Variants in FRMPD3 observed in about 807,000 individuals in gnomAD.
FRMPD3 encodes FERM and PDZ domain containing 3.
FRMPD3 carries 42 observed loss-of-function variants against 97.9 expected under a neutral mutation model. The ratio of observed to expected loss-of-function variants is 0.43; its 90% CI spans 0.34 to 0.55. FRMPD3 has a LOEUF of 0.55. Ranked by LOEUF, FRMPD3 falls within the 20% of genes least tolerant of loss-of-function variation. FRMPD3 has a pLI of 0.03. For missense variants in FRMPD3, 1,303 were observed against 1,457.7 expected (o/e 0.89, Z 1.73); for synonymous variants, 577 against 581.1 (o/e 0.99, Z 0.10).
intron 1 of FRMPD3, among the ~76,000 whole-genome samples, chrX:107,468,581 A>G (rs1248458131): frequency 8.9e-6 from 1 of 112,965 alleles, no homozygotes; most frequent in African/African-American, 3.2e-5. Context: ...TAGAGCAGCC[A>G]GGAAAGGCTT....
At chrX:107,553,748 G>A (rs1921960833) in intron 7 of FRMPD3, among the ~76,000 whole-genome samples, 1 of 111,867 alleles carries the variant, frequency 8.9e-6, no homozygotes, top group Non-Finnish European at 1.9e-5. Flanking sequence ...GGTTGTGGGA[G>A]TCCTGCCTGG....
At chrX:107,564,779 C>A in intron 11 of FRMPD3, 108 bp from the exon 12 acceptor site, 1 of 822,782 alleles carries the variant, frequency 1.2e-6, no homozygotes, top group African/African-American at 2.0e-5. Context: ...TATTTTCAGA[C>A]CCCACCAGAG....
Position 107,505,697 on chromosome X carries a change from G to A in FRMPD3, c.-7-20885G>A, listed in dbSNP as rs770476360. Among the ~76,000 whole-genome samples, 6 of 112,945 alleles carry A rather than the reference G, an allele frequency of 5.3e-5. No individual in the cohort carries two copies. In the South Asian group the frequency reaches 1.1e-3, roughly 21 times the overall value. On this transcript the variant is annotated intron_variant, in intron 1 of 14. Transcript: ENST00000683843. ...ACTAAGAAGGGGCAGGAAATGTTGTGTTATTTCATCATTTTGACCAGAAGG... is the reference window on the plus strand; with the variant it reads ...ACTAAGAAGGGGCAGGAAATGTTGTATTATTTCATCATTTTGACCAGAAGG...
intron 1 of FRMPD3, among the ~76,000 whole-genome samples, chrX:107,490,612 G>A (rs889620904): frequency 5.4e-5 from 6 of 111,661 alleles, no homozygotes; most frequent in Non-Finnish European, 1.1e-4. Flanking sequence ...GTGAATGGGA[G>A]TTCACTCATG....
At chrX:107,456,879 G>A (rs193300901) in intron 1 of FRMPD3, among the ~76,000 whole-genome samples, 1 of 112,158 alleles carries the variant, frequency 8.9e-6, no homozygotes, top group Admixed American at 9.5e-5. Context: ...TTAGATTCAA[G>A]CTCATTTTTC....
At chrX:107,494,901 T>C (rs1029158273) in intron 1 of FRMPD3, among the ~76,000 whole-genome samples, 1 of 111,464 alleles carries the variant, frequency 9.0e-6, no homozygotes, top group African/African-American at 3.3e-5. Context: ...AGGAGGCAAA[T>C]TGGCTCCTAG....
intron 1 of FRMPD3, among the ~76,000 whole-genome samples, chrX:107,470,376 CAT>C (rs1482999532): frequency 8.9e-6 from 1 of 111,980 alleles, no homozygotes; most frequent in African/African-American, 3.3e-5. Context: ...CAAACTCACT[CAT>C]GTGGTGCTGG....
rs771229153 is a variant in FRMPD3, at chrX:107,554,410, G to A, written c.668G>A (p.Gly223Glu). Residue 223 changes from glycine (G) to glutamate (E), a missense_variant, in exon 8 of 15, where the codon GGA (glycine) becomes GAA (glutamate). Around this residue, in one of 3 missense-constraint regions of FRMPD3, gnomAD observed 535 missense variants for 618.6 expected, o/e 0.86. Transcript: ENST00000683843. Reference sequence around the variant, plus strand: ...GTGGTACAGCGGACACACTATCATGGAATGAAATGCCTCTTCCGAATAAGC... The same window carrying A: ...GTGGTACAGCGGACACACTATCATGAAATGAAATGCCTCTTCCGAATAAGC... ...AYVVQRTHYHGMKCLFRISFF... is the reference protein window; with the variant it reads ...AYVVQRTHYHEMKCLFRISFF... The A allele has an allele frequency of 2.5e-6, 3 of 1,209,350 alleles. No individual in the cohort carries two copies. Among genetic ancestry groups the A allele is most frequent in the South Asian group, 1.8e-5 (1 of 56,762 alleles).
intron 1 of FRMPD3, chrX:107,513,235 T>C (rs1489533892): frequency 1.8e-5 from 2 of 111,574 alleles, no homozygotes; most frequent in African/African-American, 6.5e-5. Flanking sequence ...GAAAAGCAAC[T>C]GTTTGGACAA....
chrX:107,554,613 G>T (rs748206800), intron 8 of FRMPD3, 109 bp downstream of exon 8: 56 of 965,392 alleles, frequency 5.8e-5, no homozygotes, highest in Non-Finnish European at 7.5e-5. Context: ...CCTCCAGGTA[G>T]CCCTGAAGGC....
intron 4 of FRMPD3, 117 bp downstream of exon 4, chrX:107,533,667 C>G (rs1923085364): frequency 1.6e-6 from 1 of 629,705 alleles, no homozygotes; most frequent in Non-Finnish European, 2.5e-6. Flanking sequence ...AACATATGAG[C>G]CAAGGATTTA....
chrX:107,560,117 G>A (rs1922279312), intron 8 of FRMPD3, 140 bp from the exon 9 acceptor site: 1 of 703,715 alleles, frequency 1.4e-6, no homozygotes, highest in Non-Finnish European at 2.1e-6. Flanking sequence ...TCTTCTCCAA[G>A]GGGAGCTCCT....
Position 107,600,653 on chromosome X carries a change from A to AC in FRMPD3, c.2615dup (p.Tyr873IlefsTer14). The AC allele has an allele frequency of 8.3e-7, 1 of 1,206,816 alleles. No homozygotes were observed. Among genetic ancestry groups the AC allele is most frequent in the Non-Finnish European group, 1.1e-6 (1 of 893,337 alleles). ...AGAGGGCCAGGTACAGGGAGAACGA[A>AC]CATACTCCTTGGCAGTGCACCCAGC... On this transcript the variant is annotated frameshift_variant, in exon 15 of 15. Coordinates refer to ENST00000683843, the MANE Select transcript of FRMPD3 (RefSeq NM_001388459.1). LOFTEE classifies it high-confidence loss of function.
chrX:107,460,681 C>T (rs183743355), intron 1 of FRMPD3, among the ~76,000 whole-genome samples: 243 of 111,021 alleles, frequency 2.2e-3, no homozygotes, highest in African/African-American at 7.4e-3. Flanking sequence ...CATTAGCTAC[C>T]GTGTCCAGCC....
chrX:107,588,258 CTT>C (rs1186488725), intron 13 of FRMPD3, among the ~76,000 whole-genome samples: 3 of 101,758 alleles, frequency 2.9e-5, no homozygotes, highest in Non-Finnish European at 2.0e-5. Context: ...TCTTCTTCTT[CTT>C]TTTTTTTTTT....
intron 6 of FRMPD3, among the ~76,000 whole-genome samples, chrX:107,551,691 G>T (rs1602806106): frequency 8.9e-6 from 1 of 112,344 alleles, no homozygotes; most frequent in African/African-American, 3.2e-5. Flanking sequence ...TGAATTGACA[G>T]CCTGGCACAG....
At chrX:107,582,027 C>T (rs1923413266) in intron 13 of FRMPD3, among the ~76,000 whole-genome samples, 1 of 111,289 alleles carries the variant, frequency 9.0e-6, no homozygotes, top group South Asian at 3.8e-4. Context: ...CAGTATATAC[C>T]TAGGAATGGA....
chrX:107,547,837 G>A (rs753428189), intron 5 of FRMPD3, among the ~76,000 whole-genome samples: 5 of 111,756 alleles, frequency 4.5e-5, no homozygotes, highest in Non-Finnish European at 9.4e-5. Flanking sequence ...CTATTTTTAA[G>A]CAAATTCAAT....
intron 1 of FRMPD3, among the ~76,000 whole-genome samples, chrX:107,453,456 C>T (rs762046628): frequency 2.5e-4 from 28 of 110,647 alleles, no homozygotes; most frequent in African/African-American, 3.0e-4. Flanking sequence ...AAGTCAGCTT[C>T]TGTTTGTGGG....
Sources: allele counts gnomAD v4.1 joint callset (sites outside exome capture counted in the v4.1 genomes callset), GRCh38; gene constraint gnomAD v4.1.1; regional missense constraint gnomAD v4.1.1; transcripts MANE v1.5; gene names NCBI Gene and HGNC (gene_info 2026-07-23, HGNC 2026-07-21).